EEA1: variants seen among roughly 807,000 people sequenced by gnomAD.
The protein encoded by EEA1 is early endosome antigen 1.
EEA1 carries 111 observed loss-of-function variants against 209.2 expected under a neutral mutation model. That is an observed-to-expected ratio of 0.53 (90% CI 0.45 to 0.62). The LOEUF (loss-of-function observed/expected upper bound fraction) is 0.62. EEA1 is among the 20% of genes least tolerant of loss of function. EEA1 has a pLI of 0.00. For synonymous variants in EEA1, 536 were observed against 540.6 expected (o/e 0.99, Z 0.12); for missense variants, 1,343 against 1,530.8 (o/e 0.88, Z 2.05).
intron 14 of EEA1, among the ~76,000 whole-genome samples, chr12:92,818,153 C>T (rs1433988433): frequency 6.6e-6 from 1 of 152,156 alleles, no homozygotes; most frequent in Non-Finnish European, 1.5e-5. Context: ...TGGTATCCTA[C>T]CCTACAAATT....
chr12:92,911,978 T>C (rs1880599279), intron 1 of EEA1, among the ~76,000 whole-genome samples: 1 of 152,248 alleles, frequency 6.6e-6, no homozygotes, highest in Non-Finnish European at 1.5e-5. Flanking sequence ...AAGTATGCAC[T>C]GAAATTTGGG....
intron 2 of EEA1, among the ~76,000 whole-genome samples, chr12:92,872,854 C>T (rs1268166040): frequency 6.6e-6 from 1 of 152,026 alleles, no homozygotes; most frequent in Non-Finnish European, 1.5e-5. Context: ...TAGGGAGGCT[C>T]AGGCCAGAGA....
At chr12:92,889,686 G>T (rs1165822314) in intron 2 of EEA1, among the ~76,000 whole-genome samples, 1 of 152,130 alleles carries the variant, frequency 6.6e-6, no homozygotes, top group Admixed American at 6.5e-5. Context: ...ATCACCCGAG[G>T]TCAGGTGTTT....
At chr12:92,890,374 G>C (rs1005124514) in intron 2 of EEA1, among the ~76,000 whole-genome samples, 3 of 152,066 alleles carry the variant, frequency 2.0e-5, no homozygotes, top group Non-Finnish European at 4.4e-5. Flanking sequence ...AAAGTAAGAG[G>C]AAACAGGTAT....
intron 9 of EEA1, among the ~76,000 whole-genome samples, chr12:92,850,754 T>C (rs755419382): frequency 2.8e-5 from 4 of 144,128 alleles, no homozygotes; most frequent in African/African-American, 7.7e-5. Context: ...TTCTTAAATA[T>C]ATTTTCTAAA....
chr12:92,792,058 A>T (rs1874426308), intron 21 of EEA1, among the ~76,000 whole-genome samples: 1 of 152,194 alleles, frequency 6.6e-6, no homozygotes, highest in African/African-American at 2.4e-5. Context: ...AGAAATAAAG[A>T]TGTTCTTTGA....
At chr12:92,842,650 A>C in intron 9 of EEA1, 69 bp from the exon 10 acceptor site, 1 of 977,964 alleles carries the variant, frequency 1.0e-6, no homozygotes, top group Non-Finnish European at 1.5e-6. Flanking sequence ...AAATGAAAGT[A>C]TATAAAGGTT....
At chr12:92,897,660 G>A (rs961395254) in intron 1 of EEA1, among the ~76,000 whole-genome samples, 7 of 151,928 alleles carry the variant, frequency 4.6e-5, no homozygotes, top group African/African-American at 1.2e-4. Flanking sequence ...TATTCAAAAC[G>A]CCAAGAATCT....
At position 92,779,299 on chromosome 12, in the gene EEA1, T is replaced by G; in HGVS notation, c.3470A>C (p.Glu1157Ala). Residue 1157 changes from glutamate (E) to alanine (A), a missense_variant and splice_region_variant, in exon 25 of 29, where the codon GAG becomes GCG. This residue lies in a region of EEA1 where 1,307 missense variants were observed against 1,465.5 expected (regional missense o/e 0.89). Coordinates refer to ENST00000322349, the MANE Select transcript of EEA1 (RefSeq NM_003566.4). ...LKSHKLESIK[E>A]ITNLKDAKQL... ...TTTAGCATCTTTAAGATTTGTTATCTCCTGTTGAAAAAGTAGGGCCAAAAA... is the reference window on the plus strand; with the variant it reads ...TTTAGCATCTTTAAGATTTGTTATCGCCTGTTGAAAAAGTAGGGCCAAAAA... 6.3e-7 allele frequency: 1 copy of G among 1,577,906 alleles called. No individual in the cohort carries two copies. Among genetic ancestry groups the G allele is most frequent in the East Asian group, 2.3e-5 (1 of 43,672 alleles).
intron 21 of EEA1, among the ~76,000 whole-genome samples, chr12:92,793,629 A>G (rs1181428152): frequency 6.6e-6 from 1 of 152,240 alleles, no homozygotes; most frequent in Middle Eastern, 3.2e-3. Flanking sequence ...ATGAAATAGA[A>G]GAGGACACAA....
chr12:92,819,734 C>T (rs539676344), intron 13 of EEA1, among the ~76,000 whole-genome samples: 1 of 152,142 alleles, frequency 6.6e-6, no homozygotes, highest in South Asian at 2.1e-4. Context: ...AAAACTCTCA[C>T]TTAACCACGT....
At chr12:92,814,704 C>T (rs761991531) in intron 15 of EEA1, among the ~76,000 whole-genome samples, 1 of 152,138 alleles carries the variant, frequency 6.6e-6, no homozygotes, top group Non-Finnish European at 1.5e-5. Flanking sequence ...ACAATTGTTG[C>T]AACTTTTGCA....
intron 21 of EEA1, among the ~76,000 whole-genome samples, chr12:92,798,278 C>T (rs1244547479): frequency 6.6e-6 from 1 of 151,774 alleles, no homozygotes; most frequent in Non-Finnish European, 1.5e-5. Flanking sequence ...ATTTTAAATT[C>T]CTTTAAATTT....
intron 16 of EEA1, among the ~76,000 whole-genome samples, chr12:92,811,838 C>A (rs1264047260): frequency 6.6e-6 from 1 of 150,470 alleles, no homozygotes; most frequent in East Asian, 1.9e-4. Context: ...CTTTTCAATT[C>A]ATTTGGAATA....
chr12:92,881,060 G>A (rs1879116648), intron 2 of EEA1, among the ~76,000 whole-genome samples: 1 of 152,226 alleles, frequency 6.6e-6, no homozygotes, highest in African/African-American at 2.4e-5. Flanking sequence ...CTCTCTCTAG[G>A]CACATGATCA....
chr12:92,860,918 A>G (rs962527437), intron 3 of EEA1, among the ~76,000 whole-genome samples: 13 of 150,878 alleles, frequency 8.6e-5, no homozygotes, highest in Non-Finnish European at 5.9e-5. Flanking sequence ...GAAGAGGAGG[A>G]GGAGGAAGAG....
intron 10 of EEA1, among the ~76,000 whole-genome samples, chr12:92,838,351 C>G (rs1362099570): frequency 6.6e-6 from 1 of 152,106 alleles, no homozygotes; most frequent in African/African-American, 2.4e-5. Context: ...TAACACTGAT[C>G]ATCAACACTC....
At chr12:92,885,915 CAA>C (rs1879361443) in intron 2 of EEA1, among the ~76,000 whole-genome samples, 1 of 152,028 alleles carries the variant, frequency 6.6e-6, no homozygotes, top group Admixed American at 6.6e-5. Context: ...ACATAGCCCA[CAA>C]AGAGTTTCCA....
chr12:92,795,952 G>A (rs959452665), intron 21 of EEA1, among the ~76,000 whole-genome samples: 2 of 151,896 alleles, frequency 1.3e-5, no homozygotes, highest in African/African-American at 4.8e-5. Context: ...TTGGGCTCAT[G>A]TTTGGGCTTT....
Sources: gnomAD v4.1 joint callset for allele counts (sites outside exome capture counted in the v4.1 genomes callset) on GRCh38, gnomAD v4.1.1 for gene constraint, gnomAD v4.1.1 regional missense constraint, MANE v1.5 for transcripts, NCBI Gene and HGNC (gene_info 2026-07-23, HGNC 2026-07-21) for gene names.